SEMA5A: variants seen among roughly 807,000 people sequenced by gnomAD.
SEMA5A encodes the protein semaphorin-5A.
Under a neutral mutation model 135.5 loss-of-function variants are expected in SEMA5A, and 55 were observed. The ratio of observed to expected loss-of-function variants is 0.41; its 90% CI spans 0.33 to 0.51. The LOEUF is 0.51. SEMA5A is among the 20% of genes least tolerant of loss of function. SEMA5A has a pLI of 0.37. For synonymous variants in SEMA5A, 580 were observed against 546.5 expected (o/e 1.06, Z -0.85); for missense variants, 1,290 against 1,419.9 (o/e 0.91, Z 1.47).
chr5:9,168,849 G>A lies in SEMA5A; in HGVS notation c.1274-14154C>T, dbSNP rs149281954. Reference sequence around the variant, plus strand: ...TGCTCCTCCAGGCCATGTTGCTGTGGCTTGATCCCTTTCTAAGTACTTTAT... The same window carrying A: ...TGCTCCTCCAGGCCATGTTGCTGTGACTTGATCCCTTTCTAAGTACTTTAT... On this transcript the variant is annotated intron_variant, in intron 11 of 22. Transcript: ENST00000382496. Among the ~76,000 whole-genome samples, 108 of 152,224 alleles carry A rather than the reference G, an allele frequency of 7.1e-4. No homozygotes were observed. The East Asian group carries it at 0.018, about 26-fold the overall frequency.
chr5:9,255,462 T>C (rs936209471), intron 5 of SEMA5A, among the ~76,000 whole-genome samples: 4 of 152,192 alleles, frequency 2.6e-5, no homozygotes, highest in Non-Finnish European at 5.9e-5. Flanking sequence ...TTGATCACCA[T>C]GAAGTGGGGA....
chr5:9,379,306 T>C (rs1755493041), intron 3 of SEMA5A, among the ~76,000 whole-genome samples: 2 of 152,138 alleles, frequency 1.3e-5, no homozygotes, highest in South Asian at 2.1e-4. Flanking sequence ...TAAATTTCAA[T>C]GAATGAAAGA....
intron 2 of SEMA5A, among the ~76,000 whole-genome samples, chr5:9,384,770 A>T (rs1464383234): frequency 6.6e-6 from 1 of 152,280 alleles, no homozygotes; most frequent in South Asian, 2.1e-4. Context: ...GCATATGCAT[A>T]CATACATAGA....
chr5:9,384,725 C>T lies in SEMA5A; in HGVS notation c.-77-4702G>A, dbSNP rs1403837857. On this transcript the variant is annotated intron_variant, in intron 2 of 22. Coordinates refer to ENST00000382496, the MANE Select transcript of SEMA5A (RefSeq NM_003966.3). ...ATAGATAGATAGATAGACAGACAGA[C>T]AGACAGACAGACAGACAGATGCATA... Among the ~76,000 whole-genome samples, 434 of 144,506 alleles carry T rather than the reference C, an allele frequency of 3.0e-3. 17 individuals carry two copies. The highest frequency in any genetic ancestry group is 9.1e-3 in the African/African-American group (357 of 39,376). The allele number at this position is 144,506 out of a possible 152,430, so 94.8% of individuals were successfully genotyped here. A position where few individuals can be genotyped will look rare whatever the true frequency, so the allele number is the denominator to read the frequency against.
At chr5:9,236,435 G>A (rs1003858276) in intron 6 of SEMA5A, among the ~76,000 whole-genome samples, 4 of 152,276 alleles carry the variant, frequency 2.6e-5, no homozygotes, top group African/African-American at 9.6e-5. Context: ...GCCGAGGGCC[G>A]AGCCACACAA....
Position 9,041,431 on chromosome 5 carries a change from T to G in SEMA5A, c.*1466A>C, listed in dbSNP as rs1735962228. On this transcript the variant is annotated 3_prime_UTR_variant, in exon 23 of 23. Coordinates refer to ENST00000382496, the MANE Select transcript of SEMA5A (RefSeq NM_003966.3). ...TCAGTCGTGTTCTTTTTTTCAATAA[T>G]TATTCAACCAACTGCCATAGGTTAT... The G allele has an allele frequency of 6.6e-6, 1 of 152,206 alleles. No individual in the cohort carries two copies. Among genetic ancestry groups the G allele is most frequent in the Non-Finnish European group, 1.5e-5 (1 of 68,034 alleles). The allele number at this position is 152,206 out of a possible 1,614,324, so 9.4% of individuals were successfully genotyped here.
chr5:9,188,860 T>C (rs1270304630), intron 11 of SEMA5A, among the ~76,000 whole-genome samples: 3 of 118,780 alleles, frequency 2.5e-5, no homozygotes, highest in Admixed American at 8.8e-5. Context: ...ATCCTCCATT[T>C]CCCTTCCCTG....
At position 9,500,903 on chromosome 5, in the gene SEMA5A, G is replaced by A. The variant is rs545533105; in HGVS notation, c.-175+44681C>T. Among the ~76,000 whole-genome samples the A allele has an allele frequency of 2.2e-4, 34 of 152,162 alleles. No homozygotes were observed. In the South Asian group the frequency reaches 3.5e-3, roughly 16 times the overall value. The stretch of plus-strand genomic sequence containing the variant: ...GCCAACACACCTCTTCTAATCTGGC[G>A]TTGACTGTATGAGAATCTTTCATCA... On this transcript the variant is annotated intron_variant, in intron 1 of 22. Transcript: ENST00000382496.
At chr5:9,277,859 G>A (rs1441148161) in intron 5 of SEMA5A, among the ~76,000 whole-genome samples, 7 of 152,074 alleles carry the variant, frequency 4.6e-5, no homozygotes, top group Admixed American at 1.3e-4. Context: ...TCCTAATGTA[G>A]ATGATAGGTT....
intron 1 of SEMA5A, among the ~76,000 whole-genome samples, chr5:9,501,769 C>T (rs753839482): frequency 7.2e-5 from 11 of 152,156 alleles, no homozygotes; most frequent in Non-Finnish European, 1.6e-4. Flanking sequence ...CCCAAGAGCA[C>T]CCAAGGACTC....
chr5:9,122,091 A>C (rs1740841590), intron 14 of SEMA5A, among the ~76,000 whole-genome samples: 1 of 152,190 alleles, frequency 6.6e-6, no homozygotes, highest in Non-Finnish European at 1.5e-5. Flanking sequence ...CAGGGGATGG[A>C]GAGCAAACAG....
intron 1 of SEMA5A, among the ~76,000 whole-genome samples, chr5:9,448,959 G>A (rs1394420197): frequency 6.6e-6 from 1 of 152,214 alleles, no homozygotes; most frequent in African/African-American, 2.4e-5. Context: ...AAGAACAACA[G>A]TTTGGTTGGT....
At chr5:9,345,689 C>T (rs963214769) in intron 3 of SEMA5A, among the ~76,000 whole-genome samples, 13 of 152,176 alleles carry the variant, frequency 8.5e-5, no homozygotes, top group African/African-American at 2.4e-4. Context: ...CTCCTTCAAA[C>T]TACCCAGTAT....
chr5:9,052,171 T>C (rs990809795), intron 19 of SEMA5A, 143 bp from the exon 20 acceptor site: 1 of 904,572 alleles, frequency 1.1e-6, no homozygotes, highest in African/African-American at 1.7e-5. Context: ...CAGTAAGATG[T>C]AGTTGTATCA....
intron 21 of SEMA5A, among the ~76,000 whole-genome samples, chr5:9,047,187 G>C (rs1736309771): frequency 6.6e-6 from 1 of 152,186 alleles, no homozygotes. Context: ...CAGGGTCAAT[G>C]CCTTCTTCTG....
At chr5:9,251,878 C>A (rs1164507657) in intron 5 of SEMA5A, among the ~76,000 whole-genome samples, 1 of 152,182 alleles carries the variant, frequency 6.6e-6, no homozygotes, top group African/African-American at 2.4e-5. Context: ...TCCCAACAAT[C>A]TAGGGTATAG....
At chr5:9,070,929 C>T (rs570344696) in intron 16 of SEMA5A, among the ~76,000 whole-genome samples, 1 of 152,260 alleles carries the variant, frequency 6.6e-6, no homozygotes, top group East Asian at 1.9e-4. Flanking sequence ...TATGGCTTAA[C>T]TGAATATGTA....
At chr5:9,454,025 C>T (rs554862981) in intron 1 of SEMA5A, among the ~76,000 whole-genome samples, 1 of 152,304 alleles carries the variant, frequency 6.6e-6, no homozygotes, top group East Asian at 1.9e-4. Flanking sequence ...GAGCACAGAA[C>T]TTATCTTGCT....
chr5:9,184,392 C>A (rs991559243), intron 11 of SEMA5A, among the ~76,000 whole-genome samples: 9 of 152,100 alleles, frequency 5.9e-5, no homozygotes, highest in Admixed American at 2.0e-4. Flanking sequence ...AGACTCAATT[C>A]TTCCTTTATT....
Sources: gnomAD v4.1 joint callset for allele counts (sites outside exome capture counted in the v4.1 genomes callset) on GRCh38, gnomAD v4.1.1 for gene constraint, MANE v1.5 for transcripts, NCBI Gene and HGNC (gene_info 2026-07-23, HGNC 2026-07-21) for gene names.